The following CD99L2 variants were observed in gnomAD, a reference collection of about 807,000 sequenced individuals.
The protein encoded by CD99L2 is CD99 molecule like 2.
CD99L2 carries 24 observed loss-of-function variants against 27.3 expected under a neutral mutation model. The ratio of observed to expected loss-of-function variants is 0.88; its 90% confidence interval spans 0.64 to 1.24. The LOEUF is 1.24. Ranked by LOEUF, CD99L2 falls within the 50% of genes most tolerant of loss-of-function variation. The pLI, the probability that CD99L2 is intolerant of heterozygous loss-of-function variation, is 0.00. For synonymous variants in CD99L2, 97 were observed against 87.9 expected, an observed-to-expected ratio of 1.10 and a Z score of -0.58; for missense variants, 255 against 221.6, an observed-to-expected ratio of 1.15 and a Z score of -0.96.
In CD99L2 at chrX:150,816,217, G is replaced by A. The variant is rs2046152985; in HGVS notation, c.131-139C>T. 3 of 538,140 alleles carry A rather than the reference G, an allele frequency of 5.6e-6. No homozygotes were observed. The East Asian group carries it at 1.0e-4, about 18-fold the overall frequency. 44.3% of individuals were successfully genotyped at this position (538,140 alleles called of 1,213,427 possible). A position where few individuals can be genotyped will look rare whatever the true frequency, so the allele number is the denominator to read the frequency against. On this transcript the variant is annotated intron_variant, in intron 2 of 10. Coordinates refer to ENST00000370377, the MANE Select transcript of CD99L2 (RefSeq NM_031462.4). ...GAGGCCCCTCTAGCTAGGAGCTCCA[G>A]AGAATCACACTGAAAAGGATGACAA...
At chrX:150,839,638 C>T (rs1286803057) in intron 1 of CD99L2, among the ~76,000 whole-genome samples, 2 of 110,819 alleles carry the variant, frequency 1.8e-5, no homozygotes, top group African/African-American at 3.3e-5. Flanking sequence ...AAGGCTGAAG[C>T]GGGAGAATTG....
chrX:150,783,702 G>A (rs1557419484), intron 7 of CD99L2, among the ~76,000 whole-genome samples: 2 of 112,485 alleles, frequency 1.8e-5, no homozygotes, highest in African/African-American at 6.5e-5. Context: ...TGAACAAGCA[G>A]TGTATAGCTG....
In CD99L2 at chrX:150,768,946, C is replaced by T. The variant is rs2043358417; in HGVS notation, c.*88G>A. 9 of 1,094,806 alleles carry T rather than the reference C, an allele frequency of 8.2e-6. No individual in the cohort carries two copies. The highest frequency in any genetic ancestry group is 7.4e-5 in the South Asian group (3 of 40,530). 90.2% of individuals were successfully genotyped at this position (1,094,806 alleles called of 1,213,427 possible). ...AAGGAGCCGATGGCACAGAGCAGCACAGCAGCTGCGGGTCCAAATGAAGGG... is the reference window on the plus strand; with the variant it reads ...AAGGAGCCGATGGCACAGAGCAGCATAGCAGCTGCGGGTCCAAATGAAGGG... On this transcript the variant is annotated 3_prime_UTR_variant, in exon 11 of 11. Transcript: ENST00000370377.
At chrX:150,811,792 A>G (rs1387072396) in intron 4 of CD99L2, among the ~76,000 whole-genome samples, 2 of 112,049 alleles carry the variant, frequency 1.8e-5, no homozygotes, top group Non-Finnish European at 3.8e-5. Flanking sequence ...AAGCAAGCGA[A>G]GTTTCAGGAA....
chrX:150,803,457 A>G (rs894841764), intron 4 of CD99L2, among the ~76,000 whole-genome samples: 20 of 112,050 alleles, frequency 1.8e-4, no homozygotes, highest in African/African-American at 5.2e-4. Flanking sequence ...ATGAAAAGGC[A>G]CAGGCCCTAG....
chrX:150,819,810 T>C (rs1246896655), intron 2 of CD99L2, among the ~76,000 whole-genome samples: 2 of 111,765 alleles, frequency 1.8e-5, no homozygotes, highest in African/African-American at 3.2e-5. Context: ...TGAGAAGAAA[T>C]AGAAAATCTG....
In CD99L2 at chrX:150,774,410, C is replaced by T. The variant is rs59669293; in HGVS notation, c.655+1764G>A. Among the ~76,000 whole-genome samples, 253 of 111,082 alleles carry T rather than the reference C, an allele frequency of 2.3e-3. 8 individuals carry two copies. The East Asian group carries it at 0.058, about 26-fold the overall frequency. On this transcript the variant is annotated intron_variant, in intron 9 of 10. Transcript: ENST00000370377. ...TCTCCTCTAAAACAGGGAGGGGAGA[C>T]GAGTATGGAGAGCTCCCAGCCCAAA...
chrX:150,825,168 T>G (rs991971992), intron 2 of CD99L2, among the ~76,000 whole-genome samples: 2 of 112,223 alleles, frequency 1.8e-5, no homozygotes, highest in African/African-American at 6.5e-5. Flanking sequence ...TATTATGATA[T>G]AGATAGGTAA....
At chrX:150,825,231 C>T (rs782690739) in intron 2 of CD99L2, among the ~76,000 whole-genome samples, 32 of 111,914 alleles carry the variant, frequency 2.9e-4, no homozygotes, top group Non-Finnish European at 5.3e-4. Context: ...AAAGCAATTG[C>T]CACTTATGTA....
Position 150,769,065 on chromosome X carries a change from G to T in CD99L2, c.758C>A (p.Pro253Gln). 1 of 1,158,874 alleles carries T rather than the reference G, an allele frequency of 8.6e-7. No individual in the cohort carries two copies. The change falls in exon 11 of 11, where the codon CCG becomes CAG. Residue 253 changes from proline to glutamine, a missense_variant. Transcript: ENST00000370377. ...YSTLHTQSAE[P>Q]PPPPEPARI ...CCGGGCTGGTTCGGGCGGCGGCGGCGGCTCTGCAGACTGCGTGTGCAACGT... is the reference window on the plus strand; with the variant it reads ...CCGGGCTGGTTCGGGCGGCGGCGGCTGCTCTGCAGACTGCGTGTGCAACGT...
intron 1 of CD99L2, among the ~76,000 whole-genome samples, chrX:150,831,664 G>C (rs189153445): frequency 1.9e-4 from 21 of 111,243 alleles, no homozygotes; most frequent in Admixed American, 3.8e-4. Flanking sequence ...TTATTACCTA[G>C]GTGAGGAAGT....
intron 1 of CD99L2, among the ~76,000 whole-genome samples, chrX:150,838,925 G>C (rs1325410275): frequency 1.1e-5 from 1 of 89,985 alleles, no homozygotes; most frequent in South Asian, 7.0e-4. Flanking sequence ...AAATGGGGGG[G>C]GGGGTGTAAA....
intron 1 of CD99L2, among the ~76,000 whole-genome samples, chrX:150,832,266 A>C (rs782549124): frequency 2.7e-5 from 3 of 112,929 alleles, no homozygotes; most frequent in Non-Finnish European, 5.6e-5. Flanking sequence ...AACACTCACA[A>C]ATATGTGGAA....
At chrX:150,833,845 A>G (rs1217487703) in intron 1 of CD99L2, among the ~76,000 whole-genome samples, 2 of 112,097 alleles carry the variant, frequency 1.8e-5, no homozygotes, top group Non-Finnish European at 3.8e-5. Context: ...ACACAGGGAA[A>G]AAGTTGCACA....
At chrX:150,787,530 T>C (rs1346129353) in intron 7 of CD99L2, among the ~76,000 whole-genome samples, 5 of 110,451 alleles carry the variant, frequency 4.5e-5, no homozygotes, top group African/African-American at 1.7e-4. Context: ...ATTAAGAAAA[T>C]GTGACACACA....
intron 1 of CD99L2, among the ~76,000 whole-genome samples, chrX:150,840,271 G>A (rs115684659): frequency 0.025 from 2,774 of 111,246 alleles, 101 homozygotes; most frequent in African/African-American, 0.087. Context: ...AAGAAAAAAA[G>A]GTAATGGATC....
chrX:150,847,147 G>A (rs1352649063), intron 1 of CD99L2, among the ~76,000 whole-genome samples: 2 of 112,092 alleles, frequency 1.8e-5, no homozygotes, highest in Non-Finnish European at 3.8e-5. Flanking sequence ...GCTACCCAGG[G>A]GAGATTTCCA....
At chrX:150,792,559 C>A (rs191010273) in intron 7 of CD99L2, among the ~76,000 whole-genome samples, 1 of 111,966 alleles carries the variant, frequency 8.9e-6, no homozygotes, top group Admixed American at 9.5e-5. Flanking sequence ...TATTCCCATA[C>A]GAAAGGCACA....
intron 1 of CD99L2, among the ~76,000 whole-genome samples, chrX:150,886,758 G>A (rs1002557499): frequency 8.9e-6 from 1 of 111,995 alleles, no homozygotes; most frequent in South Asian, 3.7e-4. Context: ...CAAGGATGCT[G>A]CTAAACATCC....
Sources: gnomAD v4.1 joint callset for allele counts (sites outside exome capture counted in the v4.1 genomes callset) on GRCh38, gnomAD v4.1.1 for gene constraint, MANE v1.5 for transcripts, NCBI Gene and HGNC (gene_info 2026-07-23, HGNC 2026-07-21) for gene names.